CNTN1: variants seen among roughly 807,000 people sequenced by gnomAD.
CNTN1 encodes contactin-1.
CNTN1 carries 38 observed loss-of-function variants against 126.4 expected under a neutral mutation model. The ratio of observed to expected loss-of-function variants is 0.30; its 90% CI spans 0.23 to 0.39. The LOEUF (loss-of-function observed/expected upper bound fraction) is 0.39, where lower values mean the gene tolerates loss of function less well. Ranked by LOEUF, CNTN1 falls within the 10% of genes least tolerant of loss-of-function variation. The pLI, the probability that CNTN1 is intolerant of heterozygous loss-of-function variation, is 1.00. For synonymous variants in CNTN1, 413 were observed against 422.6 expected (o/e 0.98, Z 0.28); for missense variants, 1,009 against 1,248.4 (o/e 0.81, Z 2.89).
At chr12:41,037,036 C>A (rs114274364) in intron 23 of CNTN1, among the ~76,000 whole-genome samples, 2,748 of 152,060 alleles carry the variant, frequency 0.018, 85 homozygotes, top group African/African-American at 0.064. Context: ...TCTGTTCATG[C>A]CCTTTCTATG....
chr12:40,732,736 T>C (rs905008355), intron 1 of CNTN1, among the ~76,000 whole-genome samples: 2 of 152,086 alleles, frequency 1.3e-5, no homozygotes, highest in Non-Finnish European at 2.9e-5. Flanking sequence ...TTTGTCCAAA[T>C]GTTTGGATAA....
intron 1 of CNTN1, among the ~76,000 whole-genome samples, chr12:40,880,387 A>T (rs562171218): frequency 1.1e-3 from 173 of 152,126 alleles, no homozygotes; most frequent in African/African-American, 2.9e-3. Context: ...GGATGTAAAT[A>T]CGTTTGCTGA....
chr12:40,918,829 G>A, intron 4 of CNTN1, 58 bp downstream of exon 4: 1 of 1,589,754 alleles, frequency 6.3e-7, no homozygotes, highest in Non-Finnish European at 8.6e-7. Flanking sequence ...TCACAGATCA[G>A]CATCTATGAA....
At chr12:40,966,565 C>T (rs1947316168) in intron 15 of CNTN1, among the ~76,000 whole-genome samples, 1 of 152,052 alleles carries the variant, frequency 6.6e-6, no homozygotes, top group African/African-American at 2.4e-5. Flanking sequence ...AATTTAAAGT[C>T]AGAACTTAGT....
intron 1 of CNTN1, among the ~76,000 whole-genome samples, chr12:40,845,842 G>A (rs1253591827): frequency 6.6e-6 from 1 of 152,092 alleles, no homozygotes; most frequent in Non-Finnish European, 1.5e-5. Flanking sequence ...ATTTGTTCCC[G>A]AATTGTAGCC....
chr12:41,065,352 G>T (rs1271454374), intron 23 of CNTN1, among the ~76,000 whole-genome samples: 1 of 152,158 alleles, frequency 6.6e-6, no homozygotes, highest in Admixed American at 6.5e-5. Context: ...ACCGCACCCG[G>T]CCTCATTGCT....
intron 1 of CNTN1, among the ~76,000 whole-genome samples, chr12:40,828,976 G>T (rs745956875): frequency 6.6e-6 from 1 of 151,890 alleles, no homozygotes; most frequent in Non-Finnish European, 1.5e-5. Flanking sequence ...TTTATTTCTT[G>T]TTTTTTTAAA....
intron 8 of CNTN1, 31 bp from the exon 9 acceptor site, chr12:40,933,666 A>C: frequency 6.2e-7 from 1 of 1,606,586 alleles, no homozygotes; most frequent in Non-Finnish European, 8.5e-7. Flanking sequence ...TAAGTGTGTG[A>C]AACTTTAACC....
intron 1 of CNTN1, among the ~76,000 whole-genome samples, chr12:40,860,615 T>G (rs1010567199): frequency 6.6e-6 from 1 of 152,062 alleles, no homozygotes; most frequent in Non-Finnish European, 1.5e-5. Flanking sequence ...CTATTACCAG[T>G]TTATTATGAT....
chr12:40,949,157 A>G (rs57227854), intron 14 of CNTN1, among the ~76,000 whole-genome samples: 3,557 of 150,868 alleles, frequency 0.024, 164 homozygotes, highest in East Asian at 0.18. Flanking sequence ...TCTGCAAGAC[A>G]AGAAAAAGGA....
chr12:40,928,122 A>G (rs950265580), intron 6 of CNTN1, among the ~76,000 whole-genome samples: 5 of 152,078 alleles, frequency 3.3e-5, no homozygotes, highest in African/African-American at 1.2e-4. Context: ...CTTTCTCTGT[A>G]AGGAAATACA....
rs183007534 is a variant in CNTN1, at chr12:41,048,200, G to T, written c.2980+18981G>T. ...GAGAAGAATGCCAACACGAACACTG[G>T]TTTCACCTTGAATTCATGACCACAA... On this transcript the variant is annotated intron_variant, in intron 23 of 23. Coordinates refer to ENST00000551295, the MANE Select transcript of CNTN1 (RefSeq NM_001843.4). Among the ~76,000 whole-genome samples, 204 of 152,214 alleles carry T rather than the reference G, an allele frequency of 1.3e-3. 1 individual carries two copies. The highest frequency in any genetic ancestry group is 2.2e-3 in the Non-Finnish European group (148 of 68,022).
intron 4 of CNTN1, among the ~76,000 whole-genome samples, chr12:40,920,462 T>C (rs1194705073): frequency 6.6e-6 from 1 of 151,366 alleles, no homozygotes; most frequent in East Asian, 1.9e-4. Context: ...CAGATAGATG[T>C]TTAATCTTGT....
chr12:40,807,500 A>T (rs1027157923), intron 1 of CNTN1, among the ~76,000 whole-genome samples: 1 of 152,118 alleles, frequency 6.6e-6, no homozygotes, highest in Admixed American at 6.6e-5. Flanking sequence ...TCTTACATTT[A>T]AGATTTCTGC....
At chr12:40,923,358 C>A (rs1377229650) in intron 5 of CNTN1, among the ~76,000 whole-genome samples, 1 of 152,006 alleles carries the variant, frequency 6.6e-6, no homozygotes, top group Non-Finnish European at 1.5e-5. Context: ...GCACTTAAAT[C>A]TTTTGCAAAA....
intron 1 of CNTN1, among the ~76,000 whole-genome samples, chr12:40,703,935 AAGGT>A (rs1201418623): frequency 1.3e-5 from 2 of 152,150 alleles, no homozygotes; most frequent in Non-Finnish European, 2.9e-5. Context: ...AATAGATAAA[AAGGT>A]AGTTCAAAAC....
intron 1 of CNTN1, among the ~76,000 whole-genome samples, chr12:40,765,722 G>A (rs963551808): frequency 6.6e-6 from 1 of 152,036 alleles, no homozygotes; most frequent in African/African-American, 2.4e-5. Flanking sequence ...GGCAAAAGAT[G>A]GTATAACACC....
chr12:40,716,182 C>T (rs908844900), intron 1 of CNTN1, among the ~76,000 whole-genome samples: 3 of 151,902 alleles, frequency 2.0e-5, no homozygotes, highest in Non-Finnish European at 2.9e-5. Flanking sequence ...GGACTGGCCC[C>T]AGCATCCTTG....
rs145409095 is a variant in CNTN1, at chr12:40,819,999, A to G, written c.-76-88358A>G. 6.6e-5 allele frequency among the ~76,000 whole-genome samples: 10 copies of G among 152,218 alleles called. No homozygotes were observed. The East Asian group carries it at 1.9e-3, about 29-fold the overall frequency. On this transcript the variant is annotated intron_variant, in intron 1 of 23. Transcript: ENST00000551295. Reference sequence around the variant, plus strand: ...GTGGGTCATGCCAGCCTTCTAGTCAATTTTGATGAGAGAACCTGGATACCT... The same window carrying G: ...GTGGGTCATGCCAGCCTTCTAGTCAGTTTTGATGAGAGAACCTGGATACCT...
Sources: allele counts gnomAD v4.1 joint callset (sites outside exome capture counted in the v4.1 genomes callset), GRCh38; gene constraint gnomAD v4.1.1; transcripts MANE v1.5; gene names NCBI Gene and HGNC (gene_info 2026-07-23, HGNC 2026-07-21).